The following SRI variants were observed in gnomAD, a reference collection of about 807,000 sequenced individuals.
The protein encoded by SRI is sorcin.
In SRI, 30 loss-of-function variants were observed where a neutral mutation model predicts 33.3. The observed-to-expected ratio is 0.90, with a 90% CI of 0.67 to 1.22. SRI has a LOEUF of 1.22. SRI is among the 50% of genes most tolerant of loss of function. The pLI is 0.00. For synonymous variants in SRI, 75 were observed against 89.9 expected, an observed-to-expected ratio of 0.83 and a Z score of 0.94; for missense variants, 243 against 250.8, an observed-to-expected ratio of 0.97 and a Z score of 0.21.
upstream of SRI, among the ~76,000 whole-genome samples, chr7:88,220,440 A>G (rs1353455010): frequency 6.6e-6 from 1 of 151,236 alleles, no homozygotes; most frequent in Non-Finnish European, 1.5e-5. Flanking sequence ...GGACGGAGCT[A>G]TTATAAGCGG....
chr7:88,214,846 C>T (rs865956957), intron 3 of SRI: 3 of 1,256,264 alleles, frequency 2.4e-6, no homozygotes, highest in East Asian at 5.8e-5. Context: ...CCTCAAACAT[C>T]TTTTCTTCTC....
chr7:88,209,913 G>A, intron 5 of SRI, 70 bp downstream of exon 5: 6 of 1,602,442 alleles, frequency 3.7e-6, no homozygotes, highest in Non-Finnish European at 4.3e-6. Context: ...ACTGCACCCA[G>A]CCTGGTTTTA....
At chr7:88,226,877 A>G in intron 1 of SRI, 1 of 1,606,452 alleles carries the variant, frequency 6.2e-7, no homozygotes, top group Non-Finnish European at 8.5e-7. Flanking sequence ...TGCATGGAAT[A>G]GTCTAATATT....
rs576647894 is a variant in SRI, at chr7:88,219,018, A to G, written c.52-76T>C. On this transcript the variant is annotated intron_variant, in intron 1 of 7. Coordinates refer to ENST00000265729, the MANE Select transcript of SRI (RefSeq NM_003130.4). ...CTTTCACCACTGAGGGCTTTTGTGCAAGGCCAGACAACTGCCCGCCTGCCC... is the reference window on the plus strand; with the variant it reads ...CTTTCACCACTGAGGGCTTTTGTGCGAGGCCAGACAACTGCCCGCCTGCCC... 5.0e-4 allele frequency: 676 copies of G among 1,360,838 alleles called. 5 individuals are homozygous for G. In the South Asian group the frequency reaches 7.5e-3, roughly 15 times the overall value. 84.3% of individuals were successfully genotyped at this position (1,360,838 alleles called of 1,614,324 possible).
At chr7:88,223,928 G>C (rs1851943256), upstream of SRI, among the ~76,000 whole-genome samples, 3 of 152,324 alleles carry the variant, frequency 2.0e-5, no homozygotes, top group Middle Eastern at 3.4e-3. Flanking sequence ...AAGACTGTAG[G>C]AGGGTTGTGA....
At chr7:88,218,737 T>C in intron 2 of SRI, 122 bp downstream of exon 2, 1 of 850,082 alleles carries the variant, frequency 1.2e-6, no homozygotes, top group Non-Finnish European at 1.9e-6. Context: ...CAACTTTTTT[T>C]TTCTTTTGCA....
chr7:88,218,598 C>T (rs1851792015), intron 2 of SRI, among the ~76,000 whole-genome samples: 1 of 152,072 alleles, frequency 6.6e-6, no homozygotes, highest in Non-Finnish European at 1.5e-5. Context: ...TGAATTTTTT[C>T]GCTTGAAACC....
At chr7:88,225,460 G>A (rs28464424) in intron 1 of SRI, among the ~76,000 whole-genome samples, 4,645 of 152,228 alleles carry the variant, frequency 0.031, 234 homozygotes, top group East Asian at 0.22. Context: ...CTAAAGGGCA[G>A]TTTTGTACTT....
At chr7:88,206,604 T>G (rs1851443844) in intron 7 of SRI, 100 bp from the exon 8 acceptor site, 1 of 1,316,318 alleles carries the variant, frequency 7.6e-7, no homozygotes, top group South Asian at 1.2e-5. Context: ...TGAACACGGG[T>G]AAAACAACCC....
Position 88,210,500 on chromosome 7 carries a change from T to C in SRI, c.250-370A>G, listed in dbSNP as rs140090832. 2.7e-4 allele frequency: 104 copies of C among 386,982 alleles called. No individual in the cohort carries two copies. In the East Asian group the frequency reaches 5.9e-3, roughly 22 times the overall value. 24.0% of individuals were successfully genotyped at this position (386,982 alleles called of 1,614,324 possible). A position where few individuals can be genotyped will look rare whatever the true frequency, so the allele number is the denominator to read the frequency against. On this transcript the variant is annotated intron_variant, in intron 4 of 7. Transcript: ENST00000265729. Reference sequence around the variant, plus strand: ...CTGGTACTAATATTCCCTTGTTTAGTGCCCCCAGACAAATGAGGTGGGATG... The same window carrying C: ...CTGGTACTAATATTCCCTTGTTTAGCGCCCCCAGACAAATGAGGTGGGATG...
intron 3 of SRI, among the ~76,000 whole-genome samples, chr7:88,215,748 G>A (rs1851693748): frequency 6.6e-6 from 1 of 151,774 alleles, no homozygotes; most frequent in Non-Finnish European, 1.5e-5. Flanking sequence ...TTTAAAAAAA[G>A]GCCACTATAA....
At chr7:88,209,227 A>G in intron 6 of SRI, 112 bp downstream of exon 6, 2 of 871,576 alleles carry the variant, frequency 2.3e-6, no homozygotes, top group Non-Finnish European at 3.5e-6. Flanking sequence ...GAAAAAAACT[A>G]CTAAAGCAAG....
upstream of SRI, among the ~76,000 whole-genome samples, chr7:88,222,697 A>G (rs1474834631): frequency 6.6e-6 from 1 of 152,186 alleles, no homozygotes; most frequent in Non-Finnish European, 1.5e-5. Flanking sequence ...ATAACGCCGC[A>G]TACCTACAAC....
intron 3 of SRI, among the ~76,000 whole-genome samples, chr7:88,211,940 A>T (rs191901889): frequency 6.6e-6 from 1 of 152,346 alleles, no homozygotes; most frequent in Admixed American, 6.5e-5. Context: ...AAGCATTAGG[A>T]AATTAAAAAC....
At chr7:88,223,976 A>G (rs1207465787), upstream of SRI, among the ~76,000 whole-genome samples, 1 of 152,228 alleles carries the variant, frequency 6.6e-6, no homozygotes, top group Non-Finnish European at 1.5e-5. Flanking sequence ...TGTGAGGTTT[A>G]TAGATAGGAT....
At chr7:88,226,955 G>C in exon 1 of SRI, 1 of 1,613,326 alleles carries the variant, frequency 6.2e-7, no homozygotes, top group African/African-American at 1.3e-5. Flanking sequence ...GTGATCCTTA[G>C]AGGATTGCCT....
chr7:88,216,255 G>A (rs1048353971), intron 3 of SRI, among the ~76,000 whole-genome samples: 1 of 152,200 alleles, frequency 6.6e-6, no homozygotes, highest in African/African-American at 2.4e-5. Flanking sequence ...TGGGATTACA[G>A]GTGTGAGCCA....
intron 3 of SRI, among the ~76,000 whole-genome samples, chr7:88,213,723 C>G (rs1014750672): frequency 6.6e-6 from 1 of 152,186 alleles, no homozygotes; most frequent in Non-Finnish European, 1.5e-5. Context: ...AATTCTCACC[C>G]CCACGCAGGA....
chr7:88,213,379 G>A (rs373959987), intron 3 of SRI, among the ~76,000 whole-genome samples: 1 of 152,108 alleles, frequency 6.6e-6, no homozygotes, highest in Non-Finnish European at 1.5e-5. Flanking sequence ...GTTCAACCCC[G>A]TACACTATCT....
Sources: allele counts gnomAD v4.1 joint callset (sites outside exome capture counted in the v4.1 genomes callset), GRCh38; gene constraint gnomAD v4.1.1; transcripts MANE v1.5; gene names NCBI Gene and HGNC (gene_info 2026-07-23, HGNC 2026-07-21).